Variants in SLCO5A1 observed in about 807,000 individuals in gnomAD.
SLCO5A1 encodes the protein organic anion transporter polypeptide-related protein 4.
Under a neutral mutation model 65.1 loss-of-function variants are expected in SLCO5A1, and 39 were observed. That is an observed-to-expected ratio of 0.60 (90% confidence interval 0.46 to 0.78). The LOEUF (loss-of-function observed/expected upper bound fraction) is 0.78. SLCO5A1 is among the 30% of genes least tolerant of loss of function. SLCO5A1 has a pLI of 0.00. For synonymous variants in SLCO5A1, 438 were observed against 415.7 expected (o/e 1.05, Z -0.65); for missense variants, 1,029 against 1,069.4 (o/e 0.96, Z 0.53).
At chr8:69,722,841 T>G (rs987068978) in intron 5 of SLCO5A1, among the ~76,000 whole-genome samples, 1 of 151,970 alleles carries the variant, frequency 6.6e-6, no homozygotes. Context: ...GTATTGTGTG[T>G]GAATATATAC....
chr8:69,780,740 A>T (rs1239402858), intron 2 of SLCO5A1, among the ~76,000 whole-genome samples: 1 of 152,176 alleles, frequency 6.6e-6, no homozygotes, highest in East Asian at 1.9e-4. Flanking sequence ...GCCTAATTTC[A>T]TCACTATGCC....
rs753403611 is a variant in SLCO5A1, at chr8:69,832,033, A to G, written c.641T>C (p.Leu214Ser). 1.2e-6 allele frequency: 2 copies of G among 1,609,338 alleles called. No homozygotes were observed. The highest frequency in any genetic ancestry group is 1.1e-5 in the South Asian group (1 of 90,490). Residue 214 changes from leucine to serine, a missense_variant, in exon 2 of 10, where the codon TTA (leucine) becomes TCA (serine). Physicochemically the swap from Leu to Ser is moderately radical, Grantham distance 145. Around this residue, in one of 3 missense-constraint regions of SLCO5A1, gnomAD observed 647 missense variants for 647.5 expected, o/e 1.00. Coordinates refer to ENST00000260126, the MANE Select transcript of SLCO5A1 (RefSeq NM_030958.3). The surrounding 1 kb of genome is among the most constrained non-coding windows in gnomAD (Gnocchi z 4.5). ...GTAGGGGGGCGAGATGAAGTGAGGT[A>G]AGGCGAAGAGGGCTGCCCCGAAGGC... ...LIAFGAALFA[L>S]PHFISPPYQI...
At chr8:69,677,025 G>A (rs746612634) in intron 8 of SLCO5A1, among the ~76,000 whole-genome samples, 2 of 140,956 alleles carry the variant, frequency 1.4e-5, no homozygotes, top group East Asian at 1.9e-4. Context: ...AATACTGCAC[G>A]GTTTTTTTGT....
chr8:69,693,590 T>C (rs1814366854), intron 6 of SLCO5A1, among the ~76,000 whole-genome samples: 1 of 152,198 alleles, frequency 6.6e-6, no homozygotes, highest in African/African-American at 2.4e-5. Context: ...AGAAACCTAA[T>C]TTCAAACCCT....
Position 69,825,653 on chromosome 8 carries a change from T to C in SLCO5A1, c.907+6114A>G, listed in dbSNP as rs549417978. 2.0e-5 allele frequency among the ~76,000 whole-genome samples: 3 copies of C among 152,244 alleles called. No homozygotes were observed. In the South Asian group the frequency reaches 6.2e-4, roughly 32 times the overall value. On this transcript the variant is annotated intron_variant, in intron 2 of 9. Coordinates refer to ENST00000260126, the MANE Select transcript of SLCO5A1 (RefSeq NM_030958.3). Reference sequence around the variant, plus strand: ...GAGGACACAAACAAATGGAAGAACGTTCCATGCTCATGGGTAGGAAGAATC... The same window carrying C: ...GAGGACACAAACAAATGGAAGAACGCTCCATGCTCATGGGTAGGAAGAATC...
chr8:69,778,173 G>A (rs991545201), intron 2 of SLCO5A1, among the ~76,000 whole-genome samples: 5 of 151,980 alleles, frequency 3.3e-5, no homozygotes, highest in Non-Finnish European at 4.4e-5. Flanking sequence ...TCAAGGGTTC[G>A]GGGGTATCCC....
Position 69,676,661 on chromosome 8 carries a change from A to G in SLCO5A1, c.2037T>C (p.Asp679=), listed in dbSNP as rs147904249. The G allele has an allele frequency of 6.5e-5, 105 of 1,612,204 alleles. No homozygotes were observed. The African/African-American group carries it at 1.2e-3, about 19-fold the overall frequency. The change falls in exon 9 of 10, where the codon GAT becomes GAC. Residue 679 remains aspartate, a synonymous_variant. Transcript: ENST00000260126. ...AIIVTLRSVE[D]EERPFALGMQ... ...TTCCCAGTGCAAAAGGTCTCTCCTC[A>G]TCTTCTACGGACCTACAGTGAAGGG...
intron 5 of SLCO5A1, among the ~76,000 whole-genome samples, chr8:69,728,405 T>C (rs1359314747): frequency 6.6e-6 from 1 of 152,194 alleles, no homozygotes; most frequent in African/African-American, 2.4e-5. Flanking sequence ...TTTATATAAT[T>C]TTAAATACAA....
intron 5 of SLCO5A1, among the ~76,000 whole-genome samples, chr8:69,729,446 CAAAAAAAAA>C (rs56392223): frequency 3.2e-4 from 26 of 80,526 alleles, no homozygotes; most frequent in Admixed American, 5.9e-4. Context: ...TCCGTCCCAA[CAAAAAAAAA>C]AAAAAAAAAA....
intron 5 of SLCO5A1, among the ~76,000 whole-genome samples, chr8:69,705,495 A>G (rs1374424156): frequency 1.3e-5 from 2 of 152,234 alleles, no homozygotes; most frequent in Admixed American, 6.5e-5. Flanking sequence ...TAAAACTTGA[A>G]TAAGTTCTTC....
chr8:69,703,937 A>G (rs2130809163), intron 6 of SLCO5A1, among the ~76,000 whole-genome samples: 1 of 152,366 alleles, frequency 6.6e-6, no homozygotes, highest in South Asian at 2.1e-4. Context: ...GAAACATTAT[A>G]CAATGGTGTG....
intron 2 of SLCO5A1, among the ~76,000 whole-genome samples, chr8:69,807,465 C>T (rs1235389774): frequency 2.0e-5 from 3 of 152,154 alleles, no homozygotes; most frequent in Admixed American, 6.5e-5. Flanking sequence ...TCTGTTTAAT[C>T]GAAGTTTTGT....
chr8:69,737,701 T>G (rs1288703132), intron 5 of SLCO5A1, among the ~76,000 whole-genome samples: 1 of 152,188 alleles, frequency 6.6e-6, no homozygotes, highest in African/African-American at 2.4e-5. Flanking sequence ...TTTTTTAACT[T>G]AACACTTTAA....
chr8:69,814,670 C>T (rs548287343), intron 2 of SLCO5A1, among the ~76,000 whole-genome samples: 1 of 152,134 alleles, frequency 6.6e-6, no homozygotes, highest in African/African-American at 2.4e-5. Flanking sequence ...GCCAAAATAC[C>T]CAAAGTGAGT....
rs116771336 is a variant in SLCO5A1 at position 69,821,669 on chromosome 8, A to G, written c.907+10098T>C. ...ACAAAAATACAAAAATTAGCCACACATGTGCACACTTGTAGTCCCACCTAC... is the reference window on the plus strand; with the variant it reads ...ACAAAAATACAAAAATTAGCCACACGTGTGCACACTTGTAGTCCCACCTAC... On this transcript the variant is annotated intron_variant, in intron 2 of 9. Transcript: ENST00000260126. 2.1e-3 allele frequency among the ~76,000 whole-genome samples: 324 copies of G among 151,782 alleles called. 1 individual carries two copies. The highest frequency in any genetic ancestry group is 7.4e-3 in the African/African-American group (306 of 41,376).
Position 69,670,600 on chromosome 8 carries a change from T to A in SLCO5A1, c.*2269A>T, listed in dbSNP as rs1280504556. ...TTCTGGCCCAATCATCCCAAAGGAT[T>A]TTATGGAGTGGCAGATGGTAATCAG... is the stretch of plus-strand genomic sequence containing the variant. On this transcript the variant is annotated 3_prime_UTR_variant, in exon 10 of 10. Transcript: ENST00000260126. 1 of 152,160 alleles carries A rather than the reference T, an allele frequency of 6.6e-6. No individual in the cohort carries two copies. Among genetic ancestry groups the A allele is most frequent in the Non-Finnish European group, 1.5e-5 (1 of 68,040 alleles). The allele number at this position is 152,160 out of a possible 1,614,324, so 9.4% of individuals were successfully genotyped here.
At chr8:69,763,570 T>G in intron 2 of SLCO5A1, among the ~76,000 whole-genome samples, 1 of 117,356 alleles carries the variant, frequency 8.5e-6, no homozygotes, top group African/African-American at 3.3e-5. Flanking sequence ...CTGTGAGGCA[T>G]GATCACACCA....
At position 69,697,339 on chromosome 8, in the gene SLCO5A1, G is replaced by A. The variant is rs1004365609; in HGVS notation, c.1622+7692C>T. On this transcript the variant is annotated intron_variant, in intron 6 of 9. Coordinates refer to ENST00000260126, the MANE Select transcript of SLCO5A1 (RefSeq NM_030958.3). ...CGGGAGGTGGAGGTTGCAGTGAGCC[G>A]AGATTGTGCCACTGCACTCCTGCCT... 7.2e-5 allele frequency among the ~76,000 whole-genome samples: 11 copies of A among 152,110 alleles called. No homozygotes were observed. In the East Asian group the frequency reaches 9.6e-4, roughly 13 times the overall value.
chr8:69,680,143 A>G (rs926008143), intron 7 of SLCO5A1, among the ~76,000 whole-genome samples: 1 of 152,002 alleles, frequency 6.6e-6, no homozygotes, highest in African/African-American at 2.4e-5. Context: ...TTCTTTTTCA[A>G]CTTTTATTTT....
Sources: gnomAD v4.1 joint callset for allele counts (sites outside exome capture counted in the v4.1 genomes callset) on GRCh38, gnomAD v4.1.1 for gene constraint, gnomAD v4.1.1 regional missense constraint, Gnocchi (gnomAD v3.1) non-coding constraint, MANE v1.5 for transcripts, NCBI Gene and HGNC (gene_info 2026-07-23, HGNC 2026-07-21) for gene names.